Variants in LRRC1 observed in about 807,000 individuals in gnomAD.
The protein encoded by LRRC1 is leucine rich repeat containing 1, also known as leucine-rich repeat-containing protein 1.
LRRC1 carries 28 observed loss-of-function variants against 69.9 expected under a neutral mutation model. The observed-to-expected ratio is 0.40, with a 90% CI of 0.30 to 0.55. LRRC1 has a LOEUF of 0.55. Among genes scored for constraint, LRRC1 ranks in the 20% least tolerant of loss-of-function variants. LRRC1 has a pLI of 0.47. For synonymous variants in LRRC1, 236 were observed against 240.2 expected, an observed-to-expected ratio of 0.98 and a Z score of 0.16; for missense variants, 498 against 609.0, an observed-to-expected ratio of 0.82 and a Z score of 1.92.
At chr6:53,870,859 T>G (rs986799709) in intron 2 of LRRC1, among the ~76,000 whole-genome samples, 15 of 152,216 alleles carry the variant, frequency 9.9e-5, no homozygotes, top group African/African-American at 3.6e-4. Flanking sequence ...TCAACTTCTT[T>G]AGGTTACACA....
rs112339854 is a variant in LRRC1 at position 53,897,183 on chromosome 6, A to G, written c.568-102A>G. 23 of 760,652 alleles carry G rather than the reference A, an allele frequency of 3.0e-5. 1 individual carries two copies. The highest frequency in any genetic ancestry group is 2.1e-4 in the African/African-American group (12 of 57,074). The allele number at this position is 760,652 out of a possible 1,614,324, so 47.1% of individuals were successfully genotyped here. A position where few individuals can be genotyped will look rare whatever the true frequency, so the allele number is the denominator to read the frequency against. On this transcript the variant is annotated intron_variant, in intron 6 of 13. Coordinates refer to ENST00000370888, the MANE Select transcript of LRRC1 (RefSeq NM_018214.5). ...AGAGAAGTACCAGTGAACATCTGCT[A>G]AGGTACCCAGTTGTTAACAGATGAA...
At chr6:53,867,553 T>C (rs1391072291) in intron 2 of LRRC1, among the ~76,000 whole-genome samples, 1 of 152,222 alleles carries the variant, frequency 6.6e-6, no homozygotes, top group East Asian at 1.9e-4. Flanking sequence ...TTTACAATCA[T>C]TCTTAGACAT....
chr6:53,811,041 AAATTCAGTGCGTT>A (rs1414550084), intron 1 of LRRC1, among the ~76,000 whole-genome samples: 2 of 152,238 alleles, frequency 1.3e-5, no homozygotes, highest in Non-Finnish European at 2.9e-5. Context: ...AGGCATTGGG[AAATTCAGTGCGTT>A]AATCACAGAA....
chr6:53,861,394 G>GA (rs1766513104), intron 2 of LRRC1, among the ~76,000 whole-genome samples: 1 of 151,168 alleles, frequency 6.6e-6, no homozygotes, highest in African/African-American at 2.4e-5. Flanking sequence ...ATCCCTCAGT[G>GA]TTTTTTAGAG....
At chr6:53,880,640 T>C (rs1189559040) in intron 3 of LRRC1, among the ~76,000 whole-genome samples, 2 of 152,194 alleles carry the variant, frequency 1.3e-5, no homozygotes, top group Admixed American at 1.3e-4. Context: ...TCCAGAAGGC[T>C]TTCCCAATTA....
chr6:53,801,342 G>C (rs1347189186), intron 1 of LRRC1, among the ~76,000 whole-genome samples: 1 of 152,158 alleles, frequency 6.6e-6, no homozygotes, highest in Non-Finnish European at 1.5e-5. Context: ...TCTTTTATGT[G>C]TTTTTACCAG....
chr6:53,900,031 T>TTTTTGTTTTG (rs1554186155), intron 8 of LRRC1, 140 bp downstream of exon 8: 1 of 201,300 alleles, frequency 5.0e-6, no homozygotes, highest in African/African-American at 7.0e-5. Flanking sequence ...TTTTTTTTTT[T>TTTTTGTTTTG]TTTTTTTTTT....
In LRRC1 at chr6:53,902,764, C is replaced by A; in HGVS notation, c.906+17C>A. ...CAGCTCCTGGTAAGTGTGGTTTGCACATATATCATAAAGACTTACTAGGGT... is the reference window on the plus strand; with the variant it reads ...CAGCTCCTGGTAAGTGTGGTTTGCAAATATATCATAAAGACTTACTAGGGT... On this transcript the variant is annotated intron_variant, in intron 9 of 13. Transcript: ENST00000370888. 1 of 1,469,416 alleles carries A rather than the reference C, an allele frequency of 6.8e-7. No individual in the cohort carries two copies. Among genetic ancestry groups the A allele is most frequent in the Non-Finnish European group, 9.4e-7 (1 of 1,059,764 alleles). 91.0% of individuals were successfully genotyped at this position (1,469,416 alleles called of 1,614,324 possible).
chr6:53,872,366 A>G (rs1046352815), intron 2 of LRRC1, among the ~76,000 whole-genome samples: 1 of 152,180 alleles, frequency 6.6e-6, no homozygotes, highest in Non-Finnish European at 1.5e-5. Context: ...TCAACCAAGC[A>G]GTATACACTG....
chr6:53,874,775 T>A lies in LRRC1; in HGVS notation c.278-4218T>A, dbSNP rs933411828. Among the ~76,000 whole-genome samples the A allele has an allele frequency of 3.9e-5, 6 of 152,318 alleles. No homozygotes were observed. In the East Asian group the frequency reaches 9.6e-4, roughly 24 times the overall value. On this transcript the variant is annotated intron_variant, in intron 2 of 13. Transcript: ENST00000370888. ...CTTTCTATTTTAGCCATTCTCAATG[T>A]TAATATGTCCAAAATAAATGAATTT...
intron 4 of LRRC1, among the ~76,000 whole-genome samples, chr6:53,892,975 C>T (rs1767752581): frequency 6.6e-6 from 1 of 152,180 alleles, no homozygotes; most frequent in Non-Finnish European, 1.5e-5. Context: ...TTCTTCCAGT[C>T]CAGTTACAGA....
rs114547503 is a variant in LRRC1, at chr6:53,894,425, T to C, written c.447-2073T>C. ...TGGCATAACACTCAGCATGAGGCTG[T>C]GTGAAACTGCTTTGCAAGATGCTTT... On this transcript the variant is annotated intron_variant, in intron 4 of 13. Transcript: ENST00000370888. 7.4e-3 allele frequency among the ~76,000 whole-genome samples: 1,130 copies of C among 152,316 alleles called. 6 individuals carry two copies. The highest frequency in any genetic ancestry group is 8.6e-3 in the Non-Finnish European group (588 of 68,022).
At chr6:53,909,608 A>AG (rs1215264158) in intron 10 of LRRC1, among the ~76,000 whole-genome samples, 3 of 151,742 alleles carry the variant, frequency 2.0e-5, no homozygotes, top group Admixed American at 2.0e-4. Flanking sequence ...TTTTATAATC[A>AG]GAAAAAAAAA....
intron 1 of LRRC1, among the ~76,000 whole-genome samples, chr6:53,812,072 G>A (rs548727674): frequency 2.0e-4 from 31 of 152,368 alleles, no homozygotes; most frequent in Admixed American, 1.4e-3. Flanking sequence ...GCCAAGTGTT[G>A]TTGGAAGCAT....
chr6:53,860,819 T>C (rs1202913411), intron 2 of LRRC1, among the ~76,000 whole-genome samples: 1 of 152,152 alleles, frequency 6.6e-6, no homozygotes, highest in African/African-American at 2.4e-5. Context: ...AGCTTTATTA[T>C]GGGGGTGAAG....
At chr6:53,914,739 C>T (rs996873303) in intron 11 of LRRC1, among the ~76,000 whole-genome samples, 4 of 152,200 alleles carry the variant, frequency 2.6e-5, no homozygotes, top group Non-Finnish European at 4.4e-5. Flanking sequence ...TCTTCTCTGG[C>T]TCCTTGGCTC....
chr6:53,879,802 G>A (rs544456897), intron 3 of LRRC1, among the ~76,000 whole-genome samples: 351 of 152,112 alleles, frequency 2.3e-3, no homozygotes, highest in African/African-American at 8.0e-3. Flanking sequence ...AGGCATGGCT[G>A]AGTGGCATTG....
At chr6:53,896,383 A>T in intron 4 of LRRC1, 115 bp from the exon 5 acceptor site, 2 of 797,576 alleles carry the variant, frequency 2.5e-6, no homozygotes, top group Non-Finnish European at 4.3e-6. Flanking sequence ...CTGGTAAGTG[A>T]CCTACTAGGT....
chr6:53,900,998 T>C (rs1768039882), intron 8 of LRRC1, among the ~76,000 whole-genome samples: 1 of 152,206 alleles, frequency 6.6e-6, no homozygotes, highest in Non-Finnish European at 1.5e-5. Context: ...AAAATTTCAG[T>C]AGAAATTCAG....
Sources: allele counts gnomAD v4.1 joint callset (sites outside exome capture counted in the v4.1 genomes callset), GRCh38; gene constraint gnomAD v4.1.1; transcripts MANE v1.5; gene names NCBI Gene and HGNC (gene_info 2026-07-23, HGNC 2026-07-21).